The following CENPE variants were observed in gnomAD, a reference collection of about 807,000 sequenced individuals.
The protein encoded by CENPE is centromere-associated protein E.
CENPE carries 145 observed loss-of-function variants against 336.1 expected under a neutral mutation model. The ratio of observed to expected loss-of-function variants is 0.43; its 90% CI spans 0.38 to 0.50. The LOEUF (loss-of-function observed/expected upper bound fraction) is 0.50, where lower values mean the gene tolerates loss of function less well. Ranked by LOEUF, CENPE falls within the 20% of genes least tolerant of loss-of-function variation. The pLI is 0.00. For missense variants in CENPE, 2,719 were observed against 3,023.3 expected (o/e 0.90, Z 2.36); for synonymous variants, 1,013 against 984.8 (o/e 1.03, Z -0.54).
At chr4:103,119,546 G>A (rs76615101) in intron 44 of CENPE, among the ~76,000 whole-genome samples, 233 of 152,296 alleles carry the variant, frequency 1.5e-3, no homozygotes, top group African/African-American at 5.3e-3. Context: ...CATTCTTGAC[G>A]TGTTCCTAAT....
chr4:103,138,553 T>C (rs963418798), intron 38 of CENPE, 104 bp from the exon 39 acceptor site: 1 of 754,842 alleles, frequency 1.3e-6, no homozygotes, highest in Admixed American at 2.2e-5. Flanking sequence ...AATAATGGAA[T>C]TAAATATTAT....
At chr4:103,150,453 A>T (rs1260686002) in intron 26 of CENPE, among the ~76,000 whole-genome samples, 1 of 151,940 alleles carries the variant, frequency 6.6e-6, no homozygotes, top group Admixed American at 6.6e-5. Context: ...GTTGTGGCAC[A>T]GCTAATTTAG....
At chr4:103,162,485 C>T (rs1754534182) in intron 18 of CENPE, among the ~76,000 whole-genome samples, 1 of 151,970 alleles carries the variant, frequency 6.6e-6, no homozygotes, top group Admixed American at 6.6e-5. Flanking sequence ...AAAAATATCC[C>T]AGTTTAATAT....
chr4:103,185,009 T>C (rs1560673885), intron 9 of CENPE, among the ~76,000 whole-genome samples: 1 of 152,138 alleles, frequency 6.6e-6, no homozygotes, highest in Non-Finnish European at 1.5e-5. Flanking sequence ...AAGTCTGATT[T>C]ACAAGTTTTC....
chr4:103,158,279 C>T, intron 24 of CENPE, 21 bp downstream of exon 24: 1 of 1,572,440 alleles, frequency 6.4e-7, no homozygotes. Context: ...TATGAAAACT[C>T]TGAAAATAAA....
intron 18 of CENPE, among the ~76,000 whole-genome samples, chr4:103,162,574 AT>A (rs34476047): frequency 0.18 from 25,964 of 145,712 alleles, 2,218 homozygotes; most frequent in Middle Eastern, 0.32. Context: ...AATTTTACTG[AT>A]TTTTTTTTTT....
At chr4:103,133,101 A>G (rs766123555) in intron 41 of CENPE, among the ~76,000 whole-genome samples, 11 of 151,724 alleles carry the variant, frequency 7.3e-5, no homozygotes, top group Admixed American at 4.6e-4. Context: ...TATTCTAGTT[A>G]TTTGCATAAT....
At chr4:103,124,851 C>T (rs187849935) in intron 42 of CENPE, among the ~76,000 whole-genome samples, 5 of 152,314 alleles carry the variant, frequency 3.3e-5, no homozygotes, top group Admixed American at 3.3e-4. Context: ...ACCCTGGACA[C>T]TCCTTGGCTC....
At chr4:103,165,803 G>C (rs1369433321) in intron 16 of CENPE, among the ~76,000 whole-genome samples, 2 of 151,382 alleles carry the variant, frequency 1.3e-5, no homozygotes, top group Non-Finnish European at 1.5e-5. Context: ...GGCCAACATG[G>C]CAAGACCCCC....
intron 10 of CENPE, 64 bp from the exon 11 acceptor site, chr4:103,182,955 T>C: frequency 1.3e-6 from 2 of 1,500,866 alleles, no homozygotes; most frequent in Middle Eastern, 1.8e-4. Flanking sequence ...AAGTAGTTGG[T>C]TTTTAATGCA....
chr4:103,176,364 C>T (rs1755862451), intron 14 of CENPE, among the ~76,000 whole-genome samples: 1 of 152,116 alleles, frequency 6.6e-6, no homozygotes. Context: ...ACAGACTGTA[C>T]TATTGAAGAA....
chr4:103,197,847 GAATGT>G (rs1757856818), intron 1 of CENPE, among the ~76,000 whole-genome samples: 1 of 152,230 alleles, frequency 6.6e-6, no homozygotes, highest in African/African-American at 2.4e-5. Context: ...AGTGACGATT[GAATGT>G]AATGTGACAA....
At chr4:103,113,379 T>C (rs1425368645) in intron 46 of CENPE, among the ~76,000 whole-genome samples, 1 of 135,694 alleles carries the variant, frequency 7.4e-6, no homozygotes, top group Non-Finnish European at 1.5e-5. Context: ...TATAGACTTA[T>C]AAGTATAATA....
chr4:103,187,577 A>C (rs368871468), intron 8 of CENPE, among the ~76,000 whole-genome samples: 6 of 152,232 alleles, frequency 3.9e-5, no homozygotes, highest in Admixed American at 6.5e-5. Context: ...GAAATAAAAT[A>C]CTTTACAGAC....
At chr4:103,146,190 CAATT>C (rs1753043238) in intron 29 of CENPE, 83 bp from the exon 30 acceptor site, 2 of 1,281,206 alleles carry the variant, frequency 1.6e-6, no homozygotes, top group East Asian at 2.3e-5. Flanking sequence ...CTTTCTAAAA[CAATT>C]AAGGCAGGAT....
chr4:103,166,023 G>T lies in CENPE; in HGVS notation c.1648-2470C>A, dbSNP rs1390605162. On this transcript the variant is annotated intron_variant, in intron 16 of 48. Transcript: ENST00000265148. ...TGTGGTATTTTTGTAATCTTTCTCT[G>T]TGTTGACTCAATTCAATAAGCTTCA... 2.0e-5 allele frequency among the ~76,000 whole-genome samples: 3 copies of T among 152,128 alleles called. No homozygotes were observed. In the East Asian group the frequency reaches 5.8e-4, roughly 29 times the overall value.
At chr4:103,170,885 C>G (rs776359214) in intron 16 of CENPE, among the ~76,000 whole-genome samples, 1 of 152,052 alleles carries the variant, frequency 6.6e-6, no homozygotes, top group Non-Finnish European at 1.5e-5. Context: ...GCAGGAGAAG[C>G]TATACTTATA....
intron 44 of CENPE, among the ~76,000 whole-genome samples, chr4:103,119,468 C>T (rs1750420357): frequency 6.6e-6 from 1 of 152,110 alleles, no homozygotes; most frequent in Non-Finnish European, 1.5e-5. Flanking sequence ...TTTCTTTTGC[C>T]TCTCTGCTCA....
At chr4:103,189,172 C>T (rs1403127640) in intron 8 of CENPE, among the ~76,000 whole-genome samples, 1 of 152,034 alleles carries the variant, frequency 6.6e-6, no homozygotes, top group Non-Finnish European at 1.5e-5. Context: ...CAAAAGAAGC[C>T]CAGGACCAGA....
Sources: gnomAD v4.1 joint callset for allele counts (sites outside exome capture counted in the v4.1 genomes callset) on GRCh38, gnomAD v4.1.1 for gene constraint, MANE v1.5 for transcripts, NCBI Gene and HGNC (gene_info 2026-07-23, HGNC 2026-07-21) for gene names.